Variants in DCTD observed in about 807,000 individuals in gnomAD.
DCTD encodes the protein deoxycytidylate deaminase.
In DCTD, 23 loss-of-function variants were observed where a neutral mutation model predicts 21.0. The observed-to-expected ratio is 1.09, with a 90% CI of 0.79 to 1.55. The LOEUF (loss-of-function observed/expected upper bound fraction) is 1.55. Among genes scored for constraint, DCTD ranks in the 40% most tolerant of loss-of-function variants. The pLI is 0.00. For synonymous variants in DCTD, 71 were observed against 81.1 expected, an observed-to-expected ratio of 0.88 and a Z score of 0.67; for missense variants, 224 against 230.0, an observed-to-expected ratio of 0.97 and a Z score of 0.17.
intron 4 of DCTD, among the ~76,000 whole-genome samples, chr4:182,894,086 T>A (rs1015293384): frequency 6.6e-6 from 1 of 152,246 alleles, no homozygotes; most frequent in Non-Finnish European, 1.5e-5. Context: ...TCCTCAAATA[T>A]CTACCATGTA....
rs1738913618 is a variant in DCTD, at chr4:182,917,303, C to T, written c.-8+8G>A. 9.3e-7 allele frequency: 1 copy of T among 1,078,210 alleles called. No homozygotes were observed. The highest frequency in any genetic ancestry group is 1.1e-6 in the Non-Finnish European group (1 of 891,212). The allele number at this position is 1,078,210 out of a possible 1,614,324, so 66.8% of individuals were successfully genotyped here. A position where few individuals can be genotyped will look rare whatever the true frequency, so the allele number is the denominator to read the frequency against. On this transcript the variant is annotated splice_region_variant and intron_variant, in intron 1 of 5. Transcript: ENST00000438320. The surrounding 1 kb of genome is among the most constrained non-coding windows in gnomAD (Gnocchi z 4.9). ...GGCCGCGTACCCGCACGGCTGGCCC[C>T]CGCCCACCATCCGGTGCCGGCTCCG...
At chr4:182,894,871 T>A (rs527521033) in intron 3 of DCTD, among the ~76,000 whole-genome samples, 169 of 152,226 alleles carry the variant, frequency 1.1e-3, no homozygotes, top group Non-Finnish European at 2.0e-3. Context: ...CAGCTCCGCT[T>A]CACGGCTCCA....
At chr4:182,901,788 A>C (rs1345543959) in intron 3 of DCTD, among the ~76,000 whole-genome samples, 2 of 152,066 alleles carry the variant, frequency 1.3e-5, no homozygotes, top group African/African-American at 2.4e-5. Context: ...AAAAAAAAAA[A>C]AAAAAACTCA....
At chr4:182,908,856 T>C (rs1207497774) in intron 3 of DCTD, among the ~76,000 whole-genome samples, 1 of 152,210 alleles carries the variant, frequency 6.6e-6, no homozygotes, top group Non-Finnish European at 1.5e-5. Context: ...ACAAACCTTT[T>C]ATCTTGAGAG....
chr4:182,905,579 G>A (rs1249286643), intron 3 of DCTD, among the ~76,000 whole-genome samples: 2 of 151,942 alleles, frequency 1.3e-5, no homozygotes, highest in African/African-American at 2.4e-5. Context: ...TCCCCGCCTC[G>A]GCCTCCCAAA....
Position 182,917,238 on chromosome 4 carries a change from G to A in DCTD, c.-8+73C>T. On this transcript the variant is annotated intron_variant, in intron 1 of 5. Coordinates refer to ENST00000438320, the MANE Select transcript of DCTD (RefSeq NM_001921.3). The surrounding 1 kb of genome is among the most constrained non-coding windows in gnomAD (Gnocchi z 4.9). ...CGGCAGCCAGCGCCCCGCGCCACGCGCTCGGGACGGTGCCACGCGGCGGTG... is the reference window on the plus strand; with the variant it reads ...CGGCAGCCAGCGCCCCGCGCCACGCACTCGGGACGGTGCCACGCGGCGGTG... 1.0e-6 allele frequency: 1 copy of A among 1,002,888 alleles called. No homozygotes were observed. Among genetic ancestry groups the A allele is most frequent in the Non-Finnish European group, 1.2e-6 (1 of 842,648 alleles). 62.1% of individuals were successfully genotyped at this position (1,002,888 alleles called of 1,614,324 possible). A position where few individuals can be genotyped will look rare whatever the true frequency, so the allele number is the denominator to read the frequency against.
Position 182,891,442 on chromosome 4 carries a change from T to C in DCTD, c.494A>G (p.Asp165Gly). 2 of 1,612,560 alleles carry C rather than the reference T, an allele frequency of 1.2e-6. No individual in the cohort carries two copies. Among genetic ancestry groups the C allele is most frequent in the Non-Finnish European group, 1.7e-6 (2 of 1,178,706 alleles). ...FIPKCSKIVI[D>G]FDSINSRPSQ... Reference sequence around the variant, plus strand: ...CGGTCTGCTGTTAATTGAATCAAAGTCAATGACAATCTTGCTGCACTTCGG... The same window carrying C: ...CGGTCTGCTGTTAATTGAATCAAAGCCAATGACAATCTTGCTGCACTTCGG... The change falls in exon 6 of 6, where the codon GAC becomes GGC. Residue 165 changes from aspartate to glycine, a missense_variant. Coordinates refer to ENST00000438320, the MANE Select transcript of DCTD (RefSeq NM_001921.3).
chr4:182,910,900 C>A (rs937883458), intron 3 of DCTD, among the ~76,000 whole-genome samples: 2 of 152,218 alleles, frequency 1.3e-5, no homozygotes, highest in South Asian at 4.1e-4. Flanking sequence ...GTGTGTGTTT[C>A]CCTCCTCCCC....
At chr4:182,892,179 G>A (rs919279580) in intron 5 of DCTD, among the ~76,000 whole-genome samples, 2 of 152,096 alleles carry the variant, frequency 1.3e-5, no homozygotes, top group African/African-American at 4.8e-5. Flanking sequence ...GCCAGGGCAC[G>A]TCACCTATGA....
At chr4:182,901,809 G>C (rs567468421) in intron 3 of DCTD, among the ~76,000 whole-genome samples, 1 of 151,950 alleles carries the variant, frequency 6.6e-6, no homozygotes, top group African/African-American at 2.4e-5. Flanking sequence ...GTAATTTACA[G>C]GATTTTCTAC....
chr4:182,894,987 A>G (rs1376047256), intron 3 of DCTD, among the ~76,000 whole-genome samples: 1 of 152,250 alleles, frequency 6.6e-6, no homozygotes, highest in African/African-American at 2.4e-5. Flanking sequence ...AGGGGATTTT[A>G]AGAGCAAGAG....
intron 3 of DCTD, chr4:182,911,352 G>A (rs2152863182): frequency 6.6e-6 from 1 of 152,258 alleles, no homozygotes; most frequent in South Asian, 2.1e-4. Flanking sequence ...AATTTGGGGG[G>A]AGACACATTC....
chr4:182,907,664 C>T (rs769940485), intron 3 of DCTD, among the ~76,000 whole-genome samples: 1 of 152,242 alleles, frequency 6.6e-6, no homozygotes, highest in Middle Eastern at 3.4e-3. Context: ...CACATTCTCC[C>T]TGTGGCATTG....
In DCTD at chr4:182,917,277, G is replaced by C. The variant is rs1036897186; in HGVS notation, c.-8+34C>G. 1.3e-5 allele frequency: 13 copies of C among 1,038,746 alleles called. No homozygotes were observed. Among genetic ancestry groups the C allele is most frequent in the Non-Finnish European group, 1.4e-5 (12 of 866,546 alleles). 64.3% of individuals were successfully genotyped at this position (1,038,746 alleles called of 1,614,324 possible). ...CACGCGGCGGTGGCTAGGGGCGCGCGGGCCGCGTACCCGCACGGCTGGCCC... is the reference window on the plus strand; with the variant it reads ...CACGCGGCGGTGGCTAGGGGCGCGCCGGCCGCGTACCCGCACGGCTGGCCC... On this transcript the variant is annotated intron_variant, in intron 1 of 5. Transcript: ENST00000438320. This position sits in a 1 kb window ranked among gnomAD's most constrained non-coding sequence, Gnocchi z 4.9.
chr4:182,904,509 G>T (rs1736318794), intron 3 of DCTD, among the ~76,000 whole-genome samples: 1 of 152,144 alleles, frequency 6.6e-6, no homozygotes. Flanking sequence ...ACTGGGCACT[G>T]GAAGAGGAGC....
intron 3 of DCTD, among the ~76,000 whole-genome samples, chr4:182,905,173 A>G (rs979099675): frequency 3.9e-5 from 6 of 151,986 alleles, no homozygotes; most frequent in Non-Finnish European, 2.9e-5. Flanking sequence ...AGAGGCTCCA[A>G]TGTGGCTTGC....
At chr4:182,902,161 C>T (rs184874823) in intron 3 of DCTD, among the ~76,000 whole-genome samples, 28 of 152,266 alleles carry the variant, frequency 1.8e-4, no homozygotes, top group Non-Finnish European at 3.2e-4. Context: ...CTATCCTGCA[C>T]GTCAATAATT....
intron 3 of DCTD, 45 bp from the exon 4 acceptor site, chr4:182,894,650 A>C (rs1734415283): frequency 1.1e-4 from 139 of 1,237,868 alleles, no homozygotes; most frequent in Non-Finnish European, 1.5e-4. Flanking sequence ...GTTGCAGCTC[A>C]TGAAGAATTT....
intron 3 of DCTD, among the ~76,000 whole-genome samples, chr4:182,912,786 T>C (rs1417125716): frequency 4.6e-5 from 7 of 152,170 alleles, no homozygotes; most frequent in Non-Finnish European, 1.0e-4. Context: ...AGGTCACTGC[T>C]TAAAGATCTG....
Sources: gnomAD v4.1 joint callset for allele counts (sites outside exome capture counted in the v4.1 genomes callset) on GRCh38, gnomAD v4.1.1 for gene constraint, Gnocchi (gnomAD v3.1) non-coding constraint, MANE v1.5 for transcripts, NCBI Gene and HGNC (gene_info 2026-07-23, HGNC 2026-07-21) for gene names.